The following PLA1A variants were observed in gnomAD, a reference collection of about 807,000 sequenced individuals.
The protein encoded by PLA1A is phosphatidylserine-specific phospholipase A1alpha.
PLA1A carries 47 observed loss-of-function variants against 49.4 expected under a neutral mutation model. That is an observed-to-expected ratio of 0.95 (90% confidence interval 0.75 to 1.21). The LOEUF is 1.21. Among genes scored for constraint, PLA1A ranks in the 50% most tolerant of loss-of-function variants. The pLI is 0.00. For synonymous variants in PLA1A, 224 were observed against 207.9 expected, an observed-to-expected ratio of 1.08 and a Z score of -0.67; for missense variants, 561 against 563.9, an observed-to-expected ratio of 0.99 and a Z score of 0.05.
chr3:119,606,526 A>C (rs572078257), intron 1 of PLA1A, among the ~76,000 whole-genome samples: 7 of 152,314 alleles, frequency 4.6e-5, no homozygotes, highest in Admixed American at 3.9e-4. Flanking sequence ...CATGGCCTTT[A>C]ATCTCATCTA....
chr3:119,624,600 A>G (rs2082990035), intron 8 of PLA1A, among the ~76,000 whole-genome samples: 1 of 152,106 alleles, frequency 6.6e-6, no homozygotes, highest in Admixed American at 6.5e-5. Context: ...AAGTTCATAC[A>G]TATTAACCCA....
At chr3:119,608,665 C>T (rs1389959719) in intron 2 of PLA1A, 105 bp from the exon 3 acceptor site, 1 of 880,994 alleles carries the variant, frequency 1.1e-6, no homozygotes, top group East Asian at 2.4e-5. Flanking sequence ...GAGCCCTTCT[C>T]TAGTTTTGAT....
chr3:119,604,832 G>A (rs1434892742), intron 1 of PLA1A, among the ~76,000 whole-genome samples: 1 of 152,194 alleles, frequency 6.6e-6, no homozygotes, highest in Non-Finnish European at 1.5e-5. Context: ...AGGCACATGG[G>A]ATGGGCTTGT....
At chr3:119,603,295 GT>G (rs1050285122) in intron 1 of PLA1A, among the ~76,000 whole-genome samples, 2 of 152,234 alleles carry the variant, frequency 1.3e-5, no homozygotes, top group Non-Finnish European at 2.9e-5. Flanking sequence ...TTAGGCCAAG[GT>G]GGTGAGAAGG....
intron 8 of PLA1A, among the ~76,000 whole-genome samples, chr3:119,624,874 A>G (rs2107800505): frequency 6.6e-6 from 1 of 152,172 alleles, no homozygotes; most frequent in Non-Finnish European, 1.5e-5. Flanking sequence ...CAGGTGATCC[A>G]CTCGCCTCGG....
At chr3:119,625,441 A>G (rs538714755) in intron 9 of PLA1A, among the ~76,000 whole-genome samples, 3 of 152,172 alleles carry the variant, frequency 2.0e-5, no homozygotes, top group Non-Finnish European at 4.4e-5. Flanking sequence ...GCAGATTCAG[A>G]TGAGAGTAGG....
chr3:119,609,010 A>AAAAGCACTG, intron 3 of PLA1A, 63 bp downstream of exon 3: 11 of 1,373,154 alleles, frequency 8.0e-6, no homozygotes, highest in Non-Finnish European at 1.0e-5. Flanking sequence ...TCAGAAAGAC[A>AAAAGCACTG]AAAGCACTGC....
At position 119,609,560 on chromosome 3, in the gene PLA1A, G is replaced by C. The variant is rs749047650; in HGVS notation, c.546G>C (p.Gln182His). The change falls in exon 4 of 11, where the codon CAG (glutamine) becomes CAC (histidine). Residue 182 changes from glutamine (Q) to histidine (H), a missense_variant. Coordinates refer to ENST00000273371, the MANE Select transcript of PLA1A (RefSeq NM_015900.4). Reference sequence around the variant, plus strand: ...TGGTGGGACAGCTCTTCGGAGGCCAGCTGGGACAGATCACAGGTAACATTC... The same window carrying C: ...TGGTGGGACAGCTCTTCGGAGGCCACCTGGGACAGATCACAGGTAACATTC... ...GGMVGQLFGG[Q>H]LGQITGLDPA... is the part of the protein sequence containing the mutation. The C allele has an allele frequency of 4.4e-6, 7 of 1,593,298 alleles. No homozygotes were observed. The highest frequency in any genetic ancestry group is 1.7e-4 in the Middle Eastern group (1 of 6,026).
At position 119,606,769 on chromosome 3, in the gene PLA1A, T is replaced by C. The variant is rs2082694212; in HGVS notation, c.74-5T>C. The C allele has an allele frequency of 1.2e-6, 2 of 1,612,622 alleles. No individual in the cohort carries two copies. The highest frequency in any genetic ancestry group is 1.7e-5 in the Admixed American group (1 of 60,014). On this transcript the variant is annotated splice_region_variant and splice_polypyrimidine_tract_variant and intron_variant, in intron 1 of 10. Coordinates refer to ENST00000273371, the MANE Select transcript of PLA1A (RefSeq NM_015900.4). Reference sequence around the variant, plus strand: ...TGTTGCTTGTTTTGTTTTGTTTTCCTCCAGGGGATGCACCTCCTACCCCAC... The same window carrying C: ...TGTTGCTTGTTTTGTTTTGTTTTCCCCCAGGGGATGCACCTCCTACCCCAC...
chr3:119,606,617 G>T (rs747646408), intron 1 of PLA1A, among the ~76,000 whole-genome samples, 157 bp from the exon 2 acceptor site: 1 of 152,130 alleles, frequency 6.6e-6, no homozygotes, highest in Non-Finnish European at 1.5e-5. Flanking sequence ...AGTGATGAAG[G>T]CTGTAATAAA....
chr3:119,609,057 A>G (rs2082731452), intron 3 of PLA1A, 110 bp downstream of exon 3: 1 of 831,850 alleles, frequency 1.2e-6, no homozygotes, highest in Admixed American at 2.5e-5. Flanking sequence ...GTCACCAGGT[A>G]GCTCGGTGGT....
intron 1 of PLA1A, among the ~76,000 whole-genome samples, chr3:119,601,487 C>T (rs1407648672): frequency 1.3e-5 from 2 of 152,176 alleles, no homozygotes; most frequent in Non-Finnish European, 2.9e-5. Flanking sequence ...TCAGACAAGC[C>T]AGTATTTCAT....
chr3:119,601,528 T>C (rs1404396594), intron 1 of PLA1A, among the ~76,000 whole-genome samples: 1 of 152,242 alleles, frequency 6.6e-6, no homozygotes, highest in Non-Finnish European at 1.5e-5. Context: ...TGTTTATAAA[T>C]CTCTGGTCAG....
intron 1 of PLA1A, among the ~76,000 whole-genome samples, chr3:119,598,956 C>T (rs1291813228): frequency 6.6e-6 from 1 of 152,168 alleles, no homozygotes; most frequent in Non-Finnish European, 1.5e-5. Flanking sequence ...TCTCCTACCT[C>T]AATTAGTTGT....
At chr3:119,598,830 T>G (rs2082575279) in intron 1 of PLA1A, among the ~76,000 whole-genome samples, 1 of 152,230 alleles carries the variant, frequency 6.6e-6, no homozygotes, top group African/African-American at 2.4e-5. Context: ...TCCCTTGTAC[T>G]CATTCTTTTT....
intron 4 of PLA1A, 86 bp downstream of exon 4, chr3:119,609,662 G>T: frequency 1.4e-6 from 1 of 719,516 alleles, no homozygotes; most frequent in South Asian, 1.7e-5. Flanking sequence ...AAGCAGAGGG[G>T]AGTACAGAGC....
Position 119,622,410 on chromosome 3 carries a change from T to A in PLA1A, c.1013-2714T>A, listed in dbSNP as rs141209448. ...CCCCATAACAATTGATATCCCATAGTAACATCTGAGAAGGAGAGACAGACA... is the reference window on the plus strand; with the variant it reads ...CCCCATAACAATTGATATCCCATAGAAACATCTGAGAAGGAGAGACAGACA... On this transcript the variant is annotated intron_variant, in intron 8 of 10. Coordinates refer to ENST00000273371, the MANE Select transcript of PLA1A (RefSeq NM_015900.4). Among the ~76,000 whole-genome samples the A allele has an allele frequency of 4.4e-3, 666 of 152,326 alleles. 7 individuals carry two copies. The highest frequency in any genetic ancestry group is 0.015 in the African/African-American group (630 of 41,574).
Position 119,619,632 on chromosome 3 carries a change from C to T in PLA1A, c.992C>T (p.Thr331Ile), listed in dbSNP as rs1368376656. Reference protein sequence around the residue: ...PKEVKVYLLTTSSAPYCMHHS... With the variant: ...PKEVKVYLLTISSAPYCMHHS... ...GAAGTGAAAGTCTACCTCCTGACTA[C>T]TTCCAGTGCTCCGTACTGCAGTGAG... is the stretch of plus-strand genomic sequence containing the variant. The change falls in exon 8 of 11, where the codon ACT becomes ATT. Residue 331 changes from threonine (T) to isoleucine (I), a missense_variant. Physicochemically the swap from Thr to Ile is moderately conservative, Grantham distance 89 (BLOSUM62 -1). Coordinates refer to ENST00000273371, the MANE Select transcript of PLA1A (RefSeq NM_015900.4). The T allele has an allele frequency of 3.1e-6, 5 of 1,611,650 alleles. No individual in the cohort carries two copies. Among genetic ancestry groups the T allele is most frequent in the Non-Finnish European group, 4.2e-6 (5 of 1,177,820 alleles).
intron 4 of PLA1A, among the ~76,000 whole-genome samples, chr3:119,612,690 A>C (rs971105145): frequency 3.3e-5 from 5 of 152,068 alleles, no homozygotes; most frequent in African/African-American, 1.2e-4. Flanking sequence ...GGGTTGCACC[A>C]TGTTAGCCAG....
Sources: gnomAD v4.1 joint callset for allele counts (sites outside exome capture counted in the v4.1 genomes callset) on GRCh38, gnomAD v4.1.1 for gene constraint, MANE v1.5 for transcripts, NCBI Gene and HGNC (gene_info 2026-07-23, HGNC 2026-07-21) for gene names.